Variants in ZNF577 observed in about 807,000 individuals in gnomAD.
ZNF577 encodes zinc finger protein 577.
ZNF577 carries 14 observed loss-of-function variants against 13.9 expected under a neutral mutation model. The observed-to-expected ratio is 1.00, with a 90% CI of 0.66 to 1.57. The LOEUF is 1.57. ZNF577 is among the 40% of genes most tolerant of loss of function. The pLI is 0.00. For synonymous variants in ZNF577, 203 were observed against 202.9 expected (o/e 1.00, Z 0.00); for missense variants, 555 against 579.2 (o/e 0.96, Z 0.43).
intron 10 of ZNF577, among the ~76,000 whole-genome samples, chr19:51,809,971 G>A (rs917827259): frequency 3.9e-5 from 6 of 152,088 alleles, no homozygotes; most frequent in Admixed American, 6.6e-5. Flanking sequence ...AATTTTGAGC[G>A]GCACTGATTA....
At chr19:51,844,882 G>T (rs1343588129) in exon 6 of ZNF577, 1 of 152,142 alleles carries the variant, frequency 6.6e-6, no homozygotes, top group Non-Finnish European at 1.5e-5. Flanking sequence ...CTGGACATGA[G>T]ATATACTTTT....
At chr19:51,828,137 G>A (rs987455458) in intron 9 of ZNF577, among the ~76,000 whole-genome samples, 4 of 152,176 alleles carry the variant, frequency 2.6e-5, no homozygotes, top group Non-Finnish European at 5.9e-5. Context: ...GGAGGCCGAG[G>A]TGAGTGGATC....
Position 51,824,840 on chromosome 19 carries a change from TTCTACCC to T in ZNF577, c.*600-13173_*600-13167del. On this transcript the variant is annotated intron_variant and NMD_transcript_variant, in intron 9 of 10. Transcript: ENST00000638827. This position sits in a 1 kb window ranked among gnomAD's most constrained non-coding sequence, Gnocchi z 4.7. ...GGGGATATTTTTGGGCTCTGTCTCTTTCTACCCTGCGTTAAGCGGAAAAAAAAAATTC... is the reference window on the plus strand; with the variant it reads ...GGGGATATTTTTGGGCTCTGTCTCTTTGCGTTAAGCGGAAAAAAAAAATTC... The T allele has an allele frequency of 6.5e-7, 1 of 1,549,106 alleles. No individual in the cohort carries two copies. The highest frequency in any genetic ancestry group is 8.7e-7 in the Non-Finnish European group (1 of 1,144,336).
At chr19:51,884,410 T>C (rs747158074) in intron 1 of ZNF577, among the ~76,000 whole-genome samples, 1 of 152,162 alleles carries the variant, frequency 6.6e-6, no homozygotes, top group Non-Finnish European at 1.5e-5. Context: ...CAGATAAATA[T>C]GACTGATATG....
intron 10 of ZNF577, among the ~76,000 whole-genome samples, chr19:51,810,448 T>C (rs1162536241): frequency 6.6e-6 from 1 of 152,214 alleles, no homozygotes; most frequent in African/African-American, 2.4e-5. Context: ...AGGATTGTAC[T>C]GGGACTCCCT....
intron 5 of ZNF577, among the ~76,000 whole-genome samples, chr19:51,876,492 G>A (rs2084765782): frequency 6.6e-6 from 1 of 151,978 alleles, no homozygotes; most frequent in Non-Finnish European, 1.5e-5. Flanking sequence ...GGGGAGCAGT[G>A]GGTGAGTAAG....
chr19:51,854,893 C>T (rs1157918326), intron 5 of ZNF577, among the ~76,000 whole-genome samples: 1 of 152,146 alleles, frequency 6.6e-6, no homozygotes, highest in Non-Finnish European at 1.5e-5. Flanking sequence ...GACCTAGCTT[C>T]ATATTTGCTT....
chr19:51,834,726 C>G (rs2084279837), intron 9 of ZNF577, among the ~76,000 whole-genome samples: 1 of 152,112 alleles, frequency 6.6e-6, no homozygotes, highest in Non-Finnish European at 1.5e-5. Context: ...CTCTGTCACT[C>G]AAGCTGCAGT....
At chr19:51,845,222 C>T (rs1196317612) in intron 5 of ZNF577, among the ~76,000 whole-genome samples, 3 of 152,066 alleles carry the variant, frequency 2.0e-5, no homozygotes, top group East Asian at 1.9e-4. Context: ...TGGCCGGGCA[C>T]GGTGGCTCAC....
rs772641342 is a variant in ZNF577, at chr19:51,878,511, G to A, written c.65C>T (p.Ser22Leu). ...CACAGCCACATCTTCGAATGACAAT[G>A]ACCCCTATAATAACAATTCCAATGC... ...REQGSSSGEGSLSFEDVAVGF... is the reference protein window; with the variant it reads ...REQGSSSGEGLLSFEDVAVGF... The change falls in exon 4 of 6, where the codon TCA becomes TTA. Residue 22 changes from serine to leucine, a missense_variant. Ser to Leu is a moderately radical substitution (Grantham distance 145). Transcript: ENST00000638348. The A allele has an allele frequency of 1.3e-5, 21 of 1,613,996 alleles. No homozygotes were observed. Among genetic ancestry groups the A allele is most frequent in the Non-Finnish European group, 1.8e-5 (21 of 1,179,916 alleles).
chr19:51,881,314 T>G (rs2084858254), intron 1 of ZNF577, among the ~76,000 whole-genome samples: 1 of 152,122 alleles, frequency 6.6e-6, no homozygotes, highest in Non-Finnish European at 1.5e-5. Context: ...ACTCTGTCTC[T>G]AAGAATAAAA....
chr19:51,872,613 T>C lies in ZNF577; in HGVS notation c.1377A>G (p.Arg459=). ...CATTCACTTCATTTGTGAGGCTTAT[T>C]CTCTGTTCAAATTCCTGATTAACTA... The part of the protein sequence containing the change: ...AFVVNQEFEQ[R]ISLTNEVNVA... The change falls in exon 6 of 6, where the codon AGA becomes AGG. Residue 459 remains arginine (R), a synonymous_variant. Transcript: ENST00000638348. The C allele has an allele frequency of 6.2e-7, 1 of 1,614,106 alleles. No homozygotes were observed. The highest frequency in any genetic ancestry group is 8.5e-7 in the Non-Finnish European group (1 of 1,179,992).
chr19:51,836,768 G>A (rs1384760800), intron 9 of ZNF577, among the ~76,000 whole-genome samples: 1 of 152,206 alleles, frequency 6.6e-6, no homozygotes, highest in Non-Finnish European at 1.5e-5. Flanking sequence ...AAAGGGCTGG[G>A]TGCAGTAGCT....
intron 5 of ZNF577, among the ~76,000 whole-genome samples, chr19:51,857,336 GAGAA>G (rs908095910): frequency 8.1e-6 from 1 of 123,986 alleles, no homozygotes; most frequent in Non-Finnish European, 1.7e-5. Flanking sequence ...GGAGAAAGGA[GAGAA>G]AGAAAGAGAG....
At chr19:51,854,457 T>C (rs1331183697) in intron 5 of ZNF577, among the ~76,000 whole-genome samples, 3 of 150,712 alleles carry the variant, frequency 2.0e-5, no homozygotes, top group East Asian at 3.9e-4. Context: ...GCCTCCTGAG[T>C]AGCTGGGACT....
At chr19:51,881,064 T>C (rs1318787337) in intron 1 of ZNF577, among the ~76,000 whole-genome samples, 187 bp from the exon 2 acceptor site, 1 of 151,610 alleles carries the variant, frequency 6.6e-6, no homozygotes, top group Non-Finnish European at 1.5e-5. Flanking sequence ...GAGGAATGCC[T>C]TTTTTTTTGG....
Position 51,871,033 on chromosome 19 carries a change from GAA to G in ZNF577, c.*1497_*1498del, listed in dbSNP as rs1209149537. On this transcript the variant is annotated 3_prime_UTR_variant, in exon 6 of 6. Coordinates refer to ENST00000638348, the MANE Select transcript of ZNF577 (RefSeq NM_001370449.1). ...AAAAGGGACTGTTTGGGTTGGCTAT[GAA>G]AAAGTTAGTCAATATCCAGGTGCAT... Among the ~76,000 whole-genome samples, 1 of 152,166 alleles carries G rather than the reference GAA, an allele frequency of 6.6e-6. No individual in the cohort carries two copies. The highest frequency in any genetic ancestry group is 2.4e-5 in the African/African-American group (1 of 41,434).
chr19:51,836,985 A>G (rs1160452302), intron 9 of ZNF577, among the ~76,000 whole-genome samples: 1 of 148,840 alleles, frequency 6.7e-6, no homozygotes, highest in African/African-American at 2.5e-5. Context: ...CAGAGGTTGC[A>G]GTGAGCCCAG....
At chr19:51,831,113 TTTTA>T (rs2084258887) in intron 9 of ZNF577, among the ~76,000 whole-genome samples, 1 of 152,130 alleles carries the variant, frequency 6.6e-6, no homozygotes, top group Non-Finnish European at 1.5e-5. Context: ...TGATTCTTTA[TTTTA>T]TTTATTTATT....
Sources: allele counts gnomAD v4.1 joint callset (sites outside exome capture counted in the v4.1 genomes callset), GRCh38; gene constraint gnomAD v4.1.1; non-coding constraint Gnocchi (gnomAD v3.1); transcripts MANE v1.5; gene names NCBI Gene and HGNC (gene_info 2026-07-23, HGNC 2026-07-21).